The following C17orf75 variants were observed in gnomAD, a reference collection of about 807,000 sequenced individuals.
C17orf75 encodes the protein protein Njmu-R1.
A neutral mutation model predicts 49.6 loss-of-function variants in C17orf75; 32 were observed. The ratio of observed to expected loss-of-function variants is 0.65; its 90% CI spans 0.49 to 0.87. C17orf75 has a LOEUF of 0.87. Among genes scored for constraint, C17orf75 ranks in the 40% least tolerant of loss-of-function variants. C17orf75 has a pLI of 0.00. For missense variants in C17orf75, 428 were observed against 473.9 expected, an observed-to-expected ratio of 0.90 and a Z score of 0.90; for synonymous variants, 158 against 159.5, an observed-to-expected ratio of 0.99 and a Z score of 0.07.
At chr17:32,343,622 C>A, upstream of C17orf75, 2 of 476,622 alleles carry the variant, frequency 4.2e-6, no homozygotes, top group South Asian at 5.8e-5. Context: ...ATTTGATGAA[C>A]AAGTGAGTAT....
upstream of C17orf75, chr17:32,343,975 C>G (rs80070909): frequency 4.4e-6 from 3 of 683,584 alleles, no homozygotes; most frequent in Non-Finnish European, 8.1e-6. Context: ...CATCGGGGTT[C>G]ATATACAAAT....
At chr17:32,335,582 A>G (rs2041316874) in intron 5 of C17orf75, 140 bp from the exon 6 acceptor site, 2 of 1,063,916 alleles carry the variant, frequency 1.9e-6, no homozygotes, top group East Asian at 5.0e-5. Context: ...CCAATTCAAA[A>G]AAAGAAATTG....
Position 32,338,371 on chromosome 17 carries a change from T to C in C17orf75, c.348-20A>G. On this transcript the variant is annotated intron_variant, in intron 3 of 9. Transcript: ENST00000577809. ...GGAATTCTAGAAAAGAAAGAAAATG[T>C]AAAATGCATTATTTTGGTTACTCAT... is the stretch of plus-strand genomic sequence containing the variant. 1.9e-6 allele frequency: 3 copies of C among 1,595,350 alleles called. No individual in the cohort carries two copies. The highest frequency in any genetic ancestry group is 2.6e-6 in the Non-Finnish European group (3 of 1,174,560).
chr17:32,333,615 G>A, intron 8 of C17orf75, 95 bp from the exon 9 acceptor site: 1 of 1,107,962 alleles, frequency 9.0e-7, no homozygotes, highest in East Asian at 2.4e-5. Flanking sequence ...TTGTTGCCCG[G>A]CTGGAGTGCA....
At chr17:32,333,993 C>T (rs2041301678) in intron 8 of C17orf75, among the ~76,000 whole-genome samples, 1 of 152,124 alleles carries the variant, frequency 6.6e-6, no homozygotes, top group Admixed American at 6.5e-5. Flanking sequence ...TAAGCCTTAT[C>T]TACATTATTC....
intron 5 of C17orf75, among the ~76,000 whole-genome samples, chr17:32,337,076 A>G (rs937109476): frequency 1.1e-4 from 16 of 152,130 alleles, no homozygotes; most frequent in African/African-American, 3.9e-4. Context: ...GCTGGAGCCC[A>G]GAAAAGGCTG....
intron 3 of C17orf75, 100 bp from the exon 4 acceptor site, chr17:32,338,451 C>CAA: frequency 5.9e-6 from 7 of 1,177,278 alleles, no homozygotes; most frequent in Non-Finnish European, 8.2e-6. Context: ...TCTGGCAACA[C>CAA]CATTAAACTG....
In C17orf75 at chr17:32,338,307, T is replaced by C; in HGVS notation, c.392A>G (p.Asn131Ser). The change falls in exon 4 of 10, where the codon AAT becomes AGT. Residue 131 changes from asparagine to serine, a missense_variant. Physicochemically the swap from Asn to Ser is conservative, Grantham distance 46. Coordinates refer to ENST00000577809, the MANE Select transcript of C17orf75 (RefSeq NM_022344.4). ...TACTGTTTCAGGAAGCAGTTTTTCATTTTGGAAAAGGCAGTAATAACAACC... is the reference window on the plus strand; with the variant it reads ...TACTGTTTCAGGAAGCAGTTTTTCACTTTGGAAAAGGCAGTAATAACAACC... Reference protein sequence around the residue: ...RVGCYYCLFQNEKLLPETVTI... With the variant: ...RVGCYYCLFQSEKLLPETVTI... 1.2e-6 allele frequency: 2 copies of C among 1,611,902 alleles called. No homozygotes were observed. Among genetic ancestry groups the C allele is most frequent in the East Asian group, 4.5e-5 (2 of 44,874 alleles).
intron 8 of C17orf75, 69 bp downstream of exon 8, chr17:32,334,400 T>G: frequency 6.5e-7 from 1 of 1,527,920 alleles, no homozygotes; most frequent in Non-Finnish European, 8.8e-7. Context: ...GGTTGTATCA[T>G]AGGCTCTCAG....
At chr17:32,342,401 T>C (rs1296809444), upstream of C17orf75, 5 of 380,018 alleles carry the variant, frequency 1.3e-5, no homozygotes, top group African/African-American at 2.1e-5. Flanking sequence ...TGGGAAACTT[T>C]CTATGTGATA....
chr17:32,333,312 T>G, intron 9 of C17orf75, 105 bp downstream of exon 9: 1 of 784,214 alleles, frequency 1.3e-6, no homozygotes, highest in Non-Finnish European at 2.1e-6. Context: ...ACATCCTAAT[T>G]AACAGACATC....
At position 32,328,443 on chromosome 17, in the gene C17orf75, G is replaced by A. The variant is rs1400721151; in HGVS notation, c.*3320C>T. 1.3e-5 allele frequency: 2 copies of A among 152,214 alleles called. No homozygotes were observed. The highest frequency in any genetic ancestry group is 4.8e-5 in the African/African-American group (2 of 41,462). The allele number at this position is 152,214 out of a possible 1,614,324, so 9.4% of individuals were successfully genotyped here. On this transcript the variant is annotated 3_prime_UTR_variant, in exon 10 of 10. Coordinates refer to ENST00000577809, the MANE Select transcript of C17orf75 (RefSeq NM_022344.4). Reference sequence around the variant, plus strand: ...CTCATTAAACAAAAACAACTGTCTTGATGAGAAGCTAAGTTTTATTATTAT... The same window carrying A: ...CTCATTAAACAAAAACAACTGTCTTAATGAGAAGCTAAGTTTTATTATTAT...
At chr17:32,349,977 G>C in exon 1 of C17orf75, 3 of 1,218,834 alleles carry the variant, frequency 2.5e-6, no homozygotes, top group Non-Finnish European at 3.1e-6. Flanking sequence ...GAAACCCAAA[G>C]TGCTCCGCAA....
chr17:32,342,747 G>A (rs2041393464), upstream of C17orf75, among the ~76,000 whole-genome samples: 1 of 152,166 alleles, frequency 6.6e-6, no homozygotes, highest in Non-Finnish European at 1.5e-5. Flanking sequence ...ACCAGCCTGG[G>A]CAACATGGTG....
intron 1 of C17orf75, 129 bp downstream of exon 1, chr17:32,341,871 G>T: frequency 9.2e-7 from 1 of 1,087,342 alleles, no homozygotes. Context: ...ACCTTGGCTG[G>T]GAGAGGAGAA....
chr17:32,338,075 G>A lies in C17orf75; in HGVS notation c.492-121C>T. 11 of 1,505,958 alleles carry A rather than the reference G, an allele frequency of 7.3e-6. 1 individual carries two copies. The highest frequency in any genetic ancestry group is 1.7e-4 in the Middle Eastern group (1 of 5,802). The allele number at this position is 1,505,958 out of a possible 1,614,324, so 93.3% of individuals were successfully genotyped here. A position where few individuals can be genotyped will look rare whatever the true frequency, so the allele number is the denominator to read the frequency against. On this transcript the variant is annotated intron_variant, in intron 4 of 9. Coordinates refer to ENST00000577809, the MANE Select transcript of C17orf75 (RefSeq NM_022344.4). The stretch of plus-strand genomic sequence containing the variant: ...AATGCAAACAAGCCAAGGCAAAATG[G>A]CCACATGAAGGTATGAAATTCAACT...
Position 32,329,888 on chromosome 17 carries a change from G to A in C17orf75, c.*1875C>T, listed in dbSNP as rs1157664885. ...GACAGAGTCTCGCTCTGTCACTCAGGTTGGAATGCAGTGGCGCGATCTCGG... is the reference window on the plus strand; with the variant it reads ...GACAGAGTCTCGCTCTGTCACTCAGATTGGAATGCAGTGGCGCGATCTCGG... On this transcript the variant is annotated 3_prime_UTR_variant, in exon 10 of 10. Coordinates refer to ENST00000577809, the MANE Select transcript of C17orf75 (RefSeq NM_022344.4). 2.0e-5 allele frequency: 3 copies of A among 152,246 alleles called. No homozygotes were observed. Among genetic ancestry groups the A allele is most frequent in the Non-Finnish European group, 2.9e-5 (2 of 68,070 alleles). The allele number at this position is 152,246 out of a possible 1,614,324, so 9.4% of individuals were successfully genotyped here.
Position 32,338,369 on chromosome 17 carries a change from T to G in C17orf75, c.348-18A>C. 1 of 1,595,762 alleles carries G rather than the reference T, an allele frequency of 6.3e-7. No individual in the cohort carries two copies. Among genetic ancestry groups the G allele is most frequent in the Non-Finnish European group, 8.5e-7 (1 of 1,174,954 alleles). On this transcript the variant is annotated intron_variant, in intron 3 of 9. Transcript: ENST00000577809. Reference sequence around the variant, plus strand: ...CTGGAATTCTAGAAAAGAAAGAAAATGTAAAATGCATTATTTTGGTTACTC... The same window carrying G: ...CTGGAATTCTAGAAAAGAAAGAAAAGGTAAAATGCATTATTTTGGTTACTC...
upstream of C17orf75, among the ~76,000 whole-genome samples, chr17:32,342,457 C>A (rs928635711): frequency 1.3e-5 from 2 of 152,262 alleles, no homozygotes; most frequent in Non-Finnish European, 2.9e-5. Flanking sequence ...TAAGGCTACT[C>A]GTCTGCCTCC....
Sources: allele counts gnomAD v4.1 joint callset (sites outside exome capture counted in the v4.1 genomes callset), GRCh38; gene constraint gnomAD v4.1.1; transcripts MANE v1.5; gene names NCBI Gene and HGNC (gene_info 2026-07-23, HGNC 2026-07-21).